Variants in ROBO2 observed in about 807,000 individuals in gnomAD.
The protein encoded by ROBO2 is roundabout homolog 2.
ROBO2 carries 53 observed loss-of-function variants against 160.8 expected under a neutral mutation model. That is an observed-to-expected ratio of 0.33 (90% confidence interval 0.26 to 0.41). The LOEUF (loss-of-function observed/expected upper bound fraction) is 0.41. ROBO2 is among the 10% of genes least tolerant of loss of function. ROBO2 has a pLI of 1.00. For synonymous variants in ROBO2, 664 were observed against 611.7 expected (o/e 1.09, Z -1.26); for missense variants, 1,577 against 1,722.4 (o/e 0.92, Z 1.49).
intron 2 of ROBO2, among the ~76,000 whole-genome samples, chr3:76,699,667 A>G (rs2093006387): frequency 6.6e-6 from 1 of 152,156 alleles, no homozygotes; most frequent in Non-Finnish European, 1.5e-5. Context: ...TTTTAAAAGC[A>G]CATATCCTTT....
chr3:76,356,579 T>C (rs1417459068), intron 2 of ROBO2, among the ~76,000 whole-genome samples: 1 of 151,616 alleles, frequency 6.6e-6, no homozygotes, highest in African/African-American at 2.4e-5. Flanking sequence ...AGGGTCAGGT[T>C]ACCAAAAAAA....
intron 2 of ROBO2, among the ~76,000 whole-genome samples, chr3:77,471,815 A>AT (rs1213242163): frequency 6.6e-6 from 1 of 152,258 alleles, no homozygotes; most frequent in Non-Finnish European, 1.5e-5. Context: ...AGAATAAGTG[A>AT]TTTTTTTGAG....
intron 2 of ROBO2, among the ~76,000 whole-genome samples, chr3:76,300,578 TAAC>T (rs1476632091): frequency 6.6e-6 from 1 of 151,998 alleles, no homozygotes; most frequent in Non-Finnish European, 1.5e-5. Flanking sequence ...GGTGATTAAT[TAAC>T]AAATTCTTCT....
chr3:77,272,545 A>G (rs1227553301), intron 2 of ROBO2, among the ~76,000 whole-genome samples: 1 of 152,140 alleles, frequency 6.6e-6, no homozygotes, highest in Non-Finnish European at 1.5e-5. Context: ...AAACACAAAC[A>G]CTGGGGATTA....
intron 2 of ROBO2, among the ~76,000 whole-genome samples, chr3:76,382,794 A>G (rs1442785604): frequency 1.3e-5 from 2 of 152,138 alleles, no homozygotes; most frequent in Middle Eastern, 3.2e-3. Flanking sequence ...CAAGGGAAAC[A>G]CTCCTAACTG....
At chr3:77,065,897 C>T (rs2066790239) in intron 1 of ROBO2, among the ~76,000 whole-genome samples, 1 of 152,060 alleles carries the variant, frequency 6.6e-6, no homozygotes, top group African/African-American at 2.4e-5. Flanking sequence ...GTAAAATAGT[C>T]CATATCGCAA....
intron 2 of ROBO2, among the ~76,000 whole-genome samples, chr3:77,024,360 A>G (rs2062819225): frequency 2.0e-5 from 3 of 152,218 alleles, no homozygotes; most frequent in Admixed American, 2.0e-4. Context: ...CAATGCAGAA[A>G]CGAGTCTAAC....
chr3:77,506,424 A>G (rs2088538811), intron 5 of ROBO2, among the ~76,000 whole-genome samples: 1 of 152,112 alleles, frequency 6.6e-6, no homozygotes, highest in African/African-American at 2.4e-5. Context: ...TTTATGTTTA[A>G]TCCTAACAAT....
At chr3:76,770,011 T>C (rs535089784) in intron 2 of ROBO2, among the ~76,000 whole-genome samples, 50 of 151,614 alleles carry the variant, frequency 3.3e-4, no homozygotes, top group African/African-American at 1.2e-3. Context: ...CATGTATTTT[T>C]CACTTTGTGT....
chr3:77,406,230 A>C (rs561534239), intron 2 of ROBO2, among the ~76,000 whole-genome samples: 1 of 152,276 alleles, frequency 6.6e-6, no homozygotes, highest in East Asian at 1.9e-4. Flanking sequence ...CACTGTCATG[A>C]GACGAGCATG....
chr3:76,701,711 A>G (rs1342802594), intron 2 of ROBO2, among the ~76,000 whole-genome samples: 1 of 152,102 alleles, frequency 6.6e-6, no homozygotes, highest in Non-Finnish European at 1.5e-5. Context: ...CTGTTAGATT[A>G]AAAGCAATTT....
At chr3:76,361,174 G>A (rs2075496265) in intron 2 of ROBO2, among the ~76,000 whole-genome samples, 1 of 152,000 alleles carries the variant, frequency 6.6e-6, no homozygotes, top group African/African-American at 2.4e-5. Context: ...AGTCTAAAGT[G>A]GGCCCTGACA....
intron 2 of ROBO2, among the ~76,000 whole-genome samples, chr3:76,154,713 A>G (rs1326296816): frequency 6.6e-6 from 1 of 152,170 alleles, no homozygotes; most frequent in Non-Finnish European, 1.5e-5. Flanking sequence ...AAATTACGCC[A>G]CTAAATTGCA....
At chr3:76,887,194 A>ATTTTTTTTTTTTT (rs5850296) in intron 2 of ROBO2, among the ~76,000 whole-genome samples, 2 of 76,570 alleles carry the variant, frequency 2.6e-5, no homozygotes, top group African/African-American at 6.4e-5. Flanking sequence ...TTCAGGAAGC[A>ATTTTTTTTTTTTT]TTTTTTTTTT....
intron 2 of ROBO2, among the ~76,000 whole-genome samples, chr3:77,402,645 G>A (rs1229004999): frequency 6.6e-6 from 1 of 151,832 alleles, no homozygotes; most frequent in African/African-American, 2.4e-5. Flanking sequence ...GACTGTTAAC[G>A]GAAGAATGCC....
chr3:76,171,246 C>T (rs1356578715), intron 2 of ROBO2, among the ~76,000 whole-genome samples: 2 of 151,558 alleles, frequency 1.3e-5, no homozygotes, highest in South Asian at 2.1e-4. Context: ...GTAAGCCCAC[C>T]GTAGCTTCTC....
intron 2 of ROBO2, among the ~76,000 whole-genome samples, chr3:76,759,007 G>A (rs2061146706): frequency 6.6e-6 from 1 of 151,858 alleles, no homozygotes; most frequent in Non-Finnish European, 1.5e-5. Flanking sequence ...TGTCAACATA[G>A]TTTGGTATCT....
intron 2 of ROBO2, among the ~76,000 whole-genome samples, chr3:76,509,538 T>C (rs1201824363): frequency 6.6e-6 from 1 of 152,134 alleles, no homozygotes; most frequent in East Asian, 1.9e-4. Flanking sequence ...CAATGGCAGA[T>C]GGTAGCATGT....
chr3:76,020,473 A>G (rs1422801904), intron 2 of ROBO2, among the ~76,000 whole-genome samples: 1 of 151,476 alleles, frequency 6.6e-6, no homozygotes, highest in Non-Finnish European at 1.5e-5. Flanking sequence ...TTAAGTTTTT[A>G]TTTAAATTCT....
Sources: gnomAD v4.1 joint callset for allele counts (sites outside exome capture counted in the v4.1 genomes callset) on GRCh38, gnomAD v4.1.1 for gene constraint, MANE v1.5 for transcripts, NCBI Gene and HGNC (gene_info 2026-07-23, HGNC 2026-07-21) for gene names.